ADAM9: variants seen among roughly 807,000 people sequenced by gnomAD.
ADAM9 encodes the protein disintegrin and metalloproteinase domain-containing protein 9.
ADAM9 carries 54 observed loss-of-function variants against 108.1 expected under a neutral mutation model. The observed-to-expected ratio is 0.50, with a 90% confidence interval of 0.40 to 0.63. The LOEUF is 0.63. ADAM9 is among the 20% of genes least tolerant of loss of function. The pLI is 0.00. For missense variants in ADAM9, 830 were observed against 997.7 expected, an observed-to-expected ratio of 0.83 and a Z score of 2.26; for synonymous variants, 316 against 336.0, an observed-to-expected ratio of 0.94 and a Z score of 0.65.
chr8:39,087,405 A>T (rs1346400855), intron 18 of ADAM9, among the ~76,000 whole-genome samples: 1 of 152,220 alleles, frequency 6.6e-6, no homozygotes, highest in African/African-American at 2.4e-5. Context: ...AGTCAGAACT[A>T]TGGATTTTAA....
chr8:39,102,790 T>C (rs1839741264), intron 21 of ADAM9, among the ~76,000 whole-genome samples: 2 of 152,118 alleles, frequency 1.3e-5, no homozygotes, highest in African/African-American at 2.4e-5. Context: ...CAATGCAAAT[T>C]CTAGAACTGA....
chr8:39,103,579 C>G (rs770817499), intron 21 of ADAM9, 28 bp from the exon 22 acceptor site: 1 of 1,599,688 alleles, frequency 6.3e-7, no homozygotes, highest in Non-Finnish European at 8.6e-7. Context: ...TCTAAACACT[C>G]TATTAACTAT....
intron 11 of ADAM9, among the ~76,000 whole-genome samples, chr8:39,040,755 G>C (rs1271396016): frequency 6.6e-6 from 1 of 152,142 alleles, no homozygotes; most frequent in African/African-American, 2.4e-5. Flanking sequence ...CAGACACGTA[G>C]ACCGATGGAA....
chr8:39,066,790 C>G (rs1838492974), intron 14 of ADAM9, among the ~76,000 whole-genome samples: 1 of 152,072 alleles, frequency 6.6e-6, no homozygotes, highest in Admixed American at 6.6e-5. Flanking sequence ...CTTTTGTTGC[C>G]ATTGCTTTTG....
chr8:39,061,218 G>T (rs374748524), intron 14 of ADAM9, among the ~76,000 whole-genome samples: 19 of 152,194 alleles, frequency 1.2e-4, no homozygotes, highest in African/African-American at 4.1e-4. Context: ...GTTCTAGTGG[G>T]TTCCACCTGG....
intron 2 of ADAM9, among the ~76,000 whole-genome samples, chr8:39,011,251 G>A (rs142548927): frequency 6.6e-6 from 1 of 152,304 alleles, no homozygotes; most frequent in East Asian, 1.9e-4. Flanking sequence ...CATAAAAGGA[G>A]TTGAATTTCT....
intron 5 of ADAM9, chr8:39,016,976 T>C: frequency 2.0e-6 from 1 of 503,926 alleles, no homozygotes; most frequent in Non-Finnish European, 3.6e-6. Flanking sequence ...TGCCTTCCAT[T>C]TCCCGTAGAT....
At chr8:39,045,179 T>C (rs1181128787) in intron 12 of ADAM9, among the ~76,000 whole-genome samples, 1 of 127,618 alleles carries the variant, frequency 7.8e-6, no homozygotes, top group Admixed American at 8.0e-5. Context: ...TGTGTATATA[T>C]GTGTATACAT....
chr8:39,097,274 A>C (rs189427890), intron 20 of ADAM9, among the ~76,000 whole-genome samples: 3 of 146,528 alleles, frequency 2.0e-5, no homozygotes, highest in African/African-American at 7.6e-5. Flanking sequence ...ACTCAAGAGC[A>C]CCCCCAGGTG....
chr8:39,056,259 A>G (rs1838120159), intron 14 of ADAM9, among the ~76,000 whole-genome samples: 1 of 152,150 alleles, frequency 6.6e-6, no homozygotes, highest in African/African-American at 2.4e-5. Context: ...GCATACATAT[A>G]AAGAGCCAAA....
intron 11 of ADAM9, among the ~76,000 whole-genome samples, chr8:39,028,846 A>C (rs1034532676): frequency 2.2e-4 from 34 of 152,240 alleles, no homozygotes; most frequent in African/African-American, 6.0e-4. Flanking sequence ...AATGTGGAGG[A>C]TTGGGAGGAC....
chr8:39,045,048 G>GTATGTGTGTGTGCATACATACA (rs1271267843), intron 12 of ADAM9, among the ~76,000 whole-genome samples: 92 of 53,814 alleles, frequency 1.7e-3, no homozygotes, highest in Middle Eastern at 0.011. Flanking sequence ...ATATGTATGT[G>GTATGTGTGTGTGCATACATACA]TATGTGTGTG....
In ADAM9 at chr8:38,998,181, A is replaced by G. The variant is rs116882291; in HGVS notation, c.97+1021A>G. On this transcript the variant is annotated intron_variant, in intron 1 of 21. Coordinates refer to ENST00000487273, the MANE Select transcript of ADAM9 (RefSeq NM_003816.3). ...ACGCAGGACTGTTGACCTTCAGGAA[A>G]CTAATTACTTGTTTTTCTTATCTTT... Among the ~76,000 whole-genome samples, 789 of 152,336 alleles carry G rather than the reference A, an allele frequency of 5.2e-3. 2 individuals carry two copies. The highest frequency in any genetic ancestry group is 8.3e-3 in the Admixed American group (127 of 15,298).
chr8:39,048,677 T>C (rs1021989758), intron 12 of ADAM9, among the ~76,000 whole-genome samples: 2 of 152,198 alleles, frequency 1.3e-5, no homozygotes, highest in Non-Finnish European at 1.5e-5. Context: ...AGTCTTGAAG[T>C]TTCTTACTAT....
At chr8:39,057,250 C>G (rs1325139590) in intron 14 of ADAM9, among the ~76,000 whole-genome samples, 1 of 151,720 alleles carries the variant, frequency 6.6e-6, no homozygotes, top group Non-Finnish European at 1.5e-5. Flanking sequence ...ACTCATTTCT[C>G]AGATCATATC....
chr8:39,043,870 C>T (rs1182580216), intron 12 of ADAM9, among the ~76,000 whole-genome samples: 8 of 152,190 alleles, frequency 5.3e-5, no homozygotes, highest in Admixed American at 2.6e-4. Context: ...TAAGTGAGAA[C>T]ATGCAGTATT....
intron 12 of ADAM9, among the ~76,000 whole-genome samples, chr8:39,045,956 T>C (rs1837758470): frequency 6.6e-6 from 1 of 152,090 alleles, no homozygotes; most frequent in African/African-American, 2.4e-5. Context: ...TAATATGCAT[T>C]CTCTGATTTT....
intron 3 of ADAM9, among the ~76,000 whole-genome samples, chr8:39,012,215 C>A (rs1220288002): frequency 6.6e-6 from 1 of 152,188 alleles, no homozygotes. Context: ...ATGTGTGAGG[C>A]ATCATATTTT....
chr8:39,051,968 A>G (rs1216510426), intron 12 of ADAM9, among the ~76,000 whole-genome samples: 1 of 152,014 alleles, frequency 6.6e-6, no homozygotes, highest in East Asian at 1.9e-4. Context: ...ACAGATATAC[A>G]CACGTCGTGT....
Sources: gnomAD v4.1 joint callset for allele counts (sites outside exome capture counted in the v4.1 genomes callset) on GRCh38, gnomAD v4.1.1 for gene constraint, MANE v1.5 for transcripts, NCBI Gene and HGNC (gene_info 2026-07-23, HGNC 2026-07-21) for gene names.